The following MAD2L2 variants were observed in gnomAD, a reference collection of about 807,000 sequenced individuals.
The protein encoded by MAD2L2 is mitotic spindle assembly checkpoint protein MAD2B.
MAD2L2 carries 17 observed loss-of-function variants against 30.5 expected under a neutral mutation model. The observed-to-expected ratio is 0.56, with a 90% CI of 0.38 to 0.84. MAD2L2 has a LOEUF of 0.84. Among genes scored for constraint, MAD2L2 ranks in the 40% least tolerant of loss-of-function variants. The pLI, the probability that MAD2L2 is intolerant of heterozygous loss-of-function variation, is 0.00. For synonymous variants in MAD2L2, 101 were observed against 113.9 expected, an observed-to-expected ratio of 0.89 and a Z score of 0.72; for missense variants, 213 against 277.4, an observed-to-expected ratio of 0.77 and a Z score of 1.65.
chr1:11,674,914 TG>T lies in MAD2L2; in HGVS notation c.595-99del, dbSNP rs1640730829. 3.5e-6 allele frequency: 5 copies of T among 1,435,068 alleles called. No individual in the cohort carries two copies. The highest frequency in any genetic ancestry group is 4.9e-6 in the Non-Finnish European group (5 of 1,022,192). The allele number at this position is 1,435,068 out of a possible 1,614,324, so 88.9% of individuals were successfully genotyped here. A position where few individuals can be genotyped will look rare whatever the true frequency, so the allele number is the denominator to read the frequency against. On this transcript the variant is annotated intron_variant, in intron 8 of 8. Transcript: ENST00000376692. This position sits in a 1 kb window ranked among gnomAD's most constrained non-coding sequence, Gnocchi z 6.1. ...CTGGTGGGCAGACCTCCACCACAGG[TG>T]GGGCCTCGTGGCCATAGCCATGGTG...
intron 3 of MAD2L2, among the ~76,000 whole-genome samples, chr1:11,679,268 G>A (rs1159427394): frequency 1.3e-5 from 2 of 152,214 alleles, no homozygotes; most frequent in Non-Finnish European, 2.9e-5. Context: ...GGTGGTGTGG[G>A]GACTTGAAGC....
At chr1:11,679,425 G>A (rs1256126648) in intron 3 of MAD2L2, among the ~76,000 whole-genome samples, 1 of 152,176 alleles carries the variant, frequency 6.6e-6, no homozygotes, top group Admixed American at 6.5e-5. Context: ...ATTGAGTTTA[G>A]GATAAATGGT....
chr1:11,675,367 C>G (rs2100705680), intron 7 of MAD2L2, among the ~76,000 whole-genome samples, 193 bp from the exon 8 acceptor site: 1 of 152,268 alleles, frequency 6.6e-6, no homozygotes, highest in African/African-American at 2.4e-5. Flanking sequence ...AAGTGACGAA[C>G]AGGCTCCAGG....
At chr1:11,679,683 C>T (rs1640833248) in intron 3 of MAD2L2, among the ~76,000 whole-genome samples, 1 of 152,086 alleles carries the variant, frequency 6.6e-6, no homozygotes, top group Non-Finnish European at 1.5e-5. Flanking sequence ...CGTACCACCA[C>T]ACCAGGCTAA....
intron 5 of MAD2L2, 156 bp downstream of exon 5, chr1:11,676,692 G>A: frequency 1.5e-6 from 1 of 670,042 alleles, no homozygotes; most frequent in Non-Finnish European, 2.7e-6. Context: ...ACCCATCTCA[G>A]CTGCTCACAG....
upstream of MAD2L2, among the ~76,000 whole-genome samples, chr1:11,685,371 C>T (rs921963830): frequency 5.3e-5 from 8 of 152,298 alleles, no homozygotes; most frequent in African/African-American, 1.4e-4. Flanking sequence ...GAGCAAAACA[C>T]GTCGACTTCA....
At chr1:11,683,374 T>C (rs1640907558), upstream of MAD2L2, among the ~76,000 whole-genome samples, 2 of 152,192 alleles carry the variant, frequency 1.3e-5, no homozygotes, top group African/African-American at 2.4e-5. Context: ...CTCTTGACAC[T>C]GGAGTACCCA....
intron 7 of MAD2L2, among the ~76,000 whole-genome samples, 190 bp from the exon 8 acceptor site, chr1:11,675,364 G>A (rs763473999): frequency 6.6e-6 from 1 of 152,074 alleles, no homozygotes; most frequent in African/African-American, 2.4e-5. Flanking sequence ...CCCAAGTGAC[G>A]AACAGGCTCC....
intron 1 of MAD2L2, among the ~76,000 whole-genome samples, chr1:11,691,255 G>A (rs1641059088): frequency 6.6e-6 from 1 of 151,998 alleles, no homozygotes; most frequent in African/African-American, 2.4e-5. Flanking sequence ...GGCCGCAGCT[G>A]AGCGCGCAGC....
chr1:11,676,782 G>C lies in MAD2L2; in HGVS notation c.332+66C>G, dbSNP rs755056141. 3.1e-6 allele frequency: 4 copies of C among 1,288,290 alleles called. No homozygotes were observed. In the African/African-American group the frequency reaches 5.8e-5, roughly 19 times the overall value. The allele number at this position is 1,288,290 out of a possible 1,614,324, so 79.8% of individuals were successfully genotyped here. ...CAAGGTATTCAAGGGCCGCCTTAAA[G>C]GGGTGGGTGTGTTGCCAGAGACACA... On this transcript the variant is annotated intron_variant, in intron 5 of 8. Coordinates refer to ENST00000376692, the MANE Select transcript of MAD2L2 (RefSeq NM_006341.4).
At chr1:11,680,515 C>T (rs571801171) in intron 2 of MAD2L2, 44 bp from the exon 3 acceptor site, 2 of 1,610,296 alleles carry the variant, frequency 1.2e-6, no homozygotes, top group Admixed American at 1.7e-5. Flanking sequence ...GGAAGCCCGC[C>T]GGCCCAGACG....
At position 11,675,145 on chromosome 1, in the gene MAD2L2, C is replaced by T. The variant is rs984052705; in HGVS notation, c.531G>A (p.Gln177=). The change falls in exon 8 of 9, where the codon CAG becomes CAA. Residue 177 remains glutamine (Q), a synonymous_variant. Transcript: ENST00000376692. ...KDFPWILADE[Q]DVHMHDPRLI... The stretch of plus-strand genomic sequence containing the variant: ...GCCGGGGGTCATGCATGTGGACATC[C>T]TGCTCATCCGCCAGGATCCAGGGGA... The T allele has an allele frequency of 2.5e-6, 4 of 1,604,086 alleles. No homozygotes were observed. The highest frequency in any genetic ancestry group is 3.4e-6 in the Non-Finnish European group (4 of 1,174,542).
chr1:11,683,743 T>C (rs1445152796), upstream of MAD2L2, among the ~76,000 whole-genome samples: 1 of 151,960 alleles, frequency 6.6e-6, no homozygotes, highest in Non-Finnish European at 1.5e-5. Context: ...AGGCTGAGGC[T>C]GGTGGATCAC....
intron 1 of MAD2L2, 193 bp from the exon 2 acceptor site, chr1:11,680,806 T>C: frequency 7.8e-7 from 1 of 1,279,452 alleles, no homozygotes; most frequent in Non-Finnish European, 9.9e-7. Flanking sequence ...TCAGCCTCTA[T>C]CCACTGGCCG....
At chr1:11,679,901 G>T (rs1640836885) in intron 3 of MAD2L2, among the ~76,000 whole-genome samples, 1 of 151,748 alleles carries the variant, frequency 6.6e-6, no homozygotes, top group South Asian at 2.1e-4. Context: ...GGGTGGGTAG[G>T]CATCACCACT....
chr1:11,689,548 A>AT (rs988341944), intron 1 of MAD2L2, among the ~76,000 whole-genome samples: 3 of 150,290 alleles, frequency 2.0e-5, no homozygotes, highest in Admixed American at 6.7e-5. Flanking sequence ...GTGAGCTGAG[A>AT]TTGTGCCACT....
intron 5 of MAD2L2, among the ~76,000 whole-genome samples, chr1:11,676,567 C>T (rs1041395308): frequency 6.6e-6 from 1 of 152,208 alleles, no homozygotes; most frequent in Non-Finnish European, 1.5e-5. Flanking sequence ...ACGCATGTGC[C>T]AGAGGTCAAC....
chr1:11,674,875 G>A lies in MAD2L2; in HGVS notation c.595-59C>T, dbSNP rs1046541796. 8 of 1,585,918 alleles carry A rather than the reference G, an allele frequency of 5.0e-6. No homozygotes were observed. The highest frequency in any genetic ancestry group is 6.9e-6 in the Non-Finnish European group (8 of 1,155,202). On this transcript the variant is annotated intron_variant, in intron 8 of 8. Coordinates refer to ENST00000376692, the MANE Select transcript of MAD2L2 (RefSeq NM_006341.4). This position sits in a 1 kb window ranked among gnomAD's most constrained non-coding sequence, Gnocchi z 6.1. ...AGACAGCCAGGGCATCCCTGCTGGA[G>A]GACACAGAAGCCCCTGGTGGGCAGA... is the stretch of plus-strand genomic sequence containing the variant.
rs2233017 is a variant in MAD2L2, at chr1:11,677,710, C to G, written c.160-96G>C. ...CCTAAGGCCCCATCTGCCTTCGGTC[C>G]GAGGCCCAGCAGCTCTCCAGGGCTC... On this transcript the variant is annotated intron_variant, in intron 3 of 8. Transcript: ENST00000376692. The G allele has an allele frequency of 8.5e-4, 838 of 981,662 alleles. 3 individuals are homozygous for G. The African/African-American group carries it at 0.012, about 14-fold the overall frequency. 60.8% of individuals were successfully genotyped at this position (981,662 alleles called of 1,614,324 possible).
Sources: gnomAD v4.1 joint callset for allele counts (sites outside exome capture counted in the v4.1 genomes callset) on GRCh38, gnomAD v4.1.1 for gene constraint, Gnocchi (gnomAD v3.1) non-coding constraint, MANE v1.5 for transcripts, NCBI Gene and HGNC (gene_info 2026-07-23, HGNC 2026-07-21) for gene names.